NEXMIF: variants seen among roughly 807,000 people sequenced by gnomAD.
NEXMIF encodes neurite extension and migration factor.
A neutral mutation model predicts 62.1 loss-of-function variants in NEXMIF; 8 were observed. The ratio of observed to expected loss-of-function variants is 0.13; its 90% CI spans 0.08 to 0.23. The LOEUF (loss-of-function observed/expected upper bound fraction) is 0.23. Ranked by LOEUF, NEXMIF falls within the 10% of genes least tolerant of loss-of-function variation. NEXMIF has a pLI of 1.00. For missense variants in NEXMIF, 976 were observed against 1,113.3 expected (o/e 0.88, Z 1.75); for synonymous variants, 404 against 416.6 (o/e 0.97, Z 0.37).
intron 1 of NEXMIF, among the ~76,000 whole-genome samples, chrX:74,819,995 T>C (rs148946336): frequency 0.059 from 6,606 of 111,525 alleles, 245 homozygotes; most frequent in African/African-American, 0.14. Flanking sequence ...CACCATGGAA[T>C]ACTATGCAGC....
chrX:74,763,749 T>C (rs1007437539), intron 1 of NEXMIF, among the ~76,000 whole-genome samples: 2 of 111,631 alleles, frequency 1.8e-5, no homozygotes, highest in Admixed American at 9.6e-5. Flanking sequence ...GGGAGTTCAC[T>C]CATGATTTGG....
chrX:74,796,634 C>T (rs1364903119), intron 1 of NEXMIF, among the ~76,000 whole-genome samples: 1 of 109,946 alleles, frequency 9.1e-6, no homozygotes, highest in Non-Finnish European at 1.9e-5. Flanking sequence ...GACGCAGGAA[C>T]CAACCTGAAA....
chrX:74,906,028 G>T (rs2080767758), intron 1 of NEXMIF, among the ~76,000 whole-genome samples: 2 of 110,634 alleles, frequency 1.8e-5, no homozygotes, highest in Admixed American at 9.7e-5. Flanking sequence ...CCAGCACTTT[G>T]GGAGGCTGAC....
chrX:74,874,083 A>C (rs2080617011), intron 1 of NEXMIF, among the ~76,000 whole-genome samples: 1 of 108,174 alleles, frequency 9.2e-6, no homozygotes, highest in Admixed American at 1.0e-4. Context: ...TATGTCCTGA[A>C]TGGTAATGCC....
chrX:74,862,319 G>GA (rs958866596), intron 1 of NEXMIF, among the ~76,000 whole-genome samples: 23 of 110,657 alleles, frequency 2.1e-4, no homozygotes, highest in African/African-American at 6.3e-4. Flanking sequence ...ACCCAATACA[G>GA]AAGCACCCAG....
At chrX:74,884,589 G>A (rs2080682512) in intron 1 of NEXMIF, among the ~76,000 whole-genome samples, 1 of 111,945 alleles carries the variant, frequency 8.9e-6, no homozygotes, top group Non-Finnish European at 1.9e-5. Flanking sequence ...TCAACAAGAA[G>A]AACTAACTAT....
In NEXMIF at chrX:74,743,299, G is replaced by T. The variant is rs2080113828; in HGVS notation, c.1258C>A (p.Gln420Lys). 5.0e-6 allele frequency: 6 copies of T among 1,211,274 alleles called. No individual in the cohort carries two copies. Among genetic ancestry groups the T allele is most frequent in the Non-Finnish European group, 6.7e-6 (6 of 895,164 alleles). The change falls in exon 3 of 4, where the codon CAA becomes AAA. Residue 420 changes from glutamine to lysine, a missense_variant. Physicochemically the swap from Gln to Lys is moderately conservative, Grantham distance 53. Coordinates refer to ENST00000055682, the MANE Select transcript of NEXMIF (RefSeq NM_001008537.3). ...TGGCCCTGCTTTGGATTCTTAAGTT[G>T]CTCTACTTCAGTCCCACTGCATGGT... ...NKPCSGTEVE[Q>K]LKNPKQGHLA...
intron 1 of NEXMIF, among the ~76,000 whole-genome samples, chrX:74,796,154 C>CTT (rs2080306969): frequency 2.3e-5 from 1 of 43,837 alleles, no homozygotes; most frequent in Non-Finnish European, 4.5e-5. Flanking sequence ...TATATATATA[C>CTT]ATATATATTA....
chrX:74,856,416 T>C (rs1460752168), intron 1 of NEXMIF, among the ~76,000 whole-genome samples: 5 of 111,498 alleles, frequency 4.5e-5, no homozygotes, highest in African/African-American at 1.6e-4. Context: ...AAAGAGAGCC[T>C]AAGAGAACTG....
intron 1 of NEXMIF, among the ~76,000 whole-genome samples, chrX:74,784,404 T>G (rs1374496630): frequency 9.0e-6 from 1 of 111,265 alleles, no homozygotes; most frequent in Non-Finnish European, 1.9e-5. Flanking sequence ...GGTGACGAAA[T>G]TATCTCTAAT....
chrX:74,777,963 C>T (rs911741662), intron 1 of NEXMIF, among the ~76,000 whole-genome samples: 16 of 111,653 alleles, frequency 1.4e-4, no homozygotes, highest in African/African-American at 5.2e-4. Flanking sequence ...CTGACCTCCA[C>T]TCTCTATCCC....
Position 74,741,630 on chromosome X carries a change from A to C in NEXMIF, c.2927T>G (p.Phe976Cys), listed in dbSNP as rs142707711. ...ATTGACTGGCCCCTGCTGGAAAGGA[A>C]AGCAGATCTCTCCATTATTAAAGTG... ...LCHFNNGEIC[F>C]PFQQGPVNMD... Residue 976 changes from phenylalanine to cysteine, a missense_variant, in exon 3 of 4, where the codon TTT (phenylalanine) becomes TGT (cysteine). Around this residue, in one of 5 missense-constraint regions of NEXMIF, gnomAD observed 639 missense variants for 694.5 expected, o/e 0.92. Coordinates refer to ENST00000055682, the MANE Select transcript of NEXMIF (RefSeq NM_001008537.3). 6 of 1,209,921 alleles carry C rather than the reference A, an allele frequency of 5.0e-6. No individual in the cohort carries two copies. Among genetic ancestry groups the C allele is most frequent in the Non-Finnish European group, 6.7e-6 (6 of 894,901 alleles).
Position 74,866,065 on chromosome X carries a change from T to A in NEXMIF, c.-48+58818A>T, listed in dbSNP as rs182246642. Among the ~76,000 whole-genome samples the A allele has an allele frequency of 3.3e-4, 37 of 111,227 alleles. 1 individual carries two copies. Among genetic ancestry groups the A allele is most frequent in the African/African-American group, 1.1e-3 (35 of 30,604 alleles). ...GTACTCCAGAACCCAGAATGGTAGA[T>A]CTGCCGACAGCTTGCACCATGTTCC... On this transcript the variant is annotated intron_variant, in intron 1 of 3. Transcript: ENST00000055682.
intron 1 of NEXMIF, among the ~76,000 whole-genome samples, chrX:74,883,723 C>A (rs916540070): frequency 8.9e-6 from 1 of 112,080 alleles, no homozygotes; most frequent in Non-Finnish European, 1.9e-5. Flanking sequence ...AAACACTCTG[C>A]AGGATATTCT....
chrX:74,852,738 T>A (rs1231802518), intron 1 of NEXMIF, among the ~76,000 whole-genome samples: 2 of 111,674 alleles, frequency 1.8e-5, no homozygotes, highest in Non-Finnish European at 3.8e-5. Flanking sequence ...GTTTTAAAAA[T>A]TTCCTGAAAC....
At position 74,901,361 on chromosome X, in the gene NEXMIF, G is replaced by C. The variant is rs1051945420; in HGVS notation, c.-48+23522C>G. On this transcript the variant is annotated intron_variant, in intron 1 of 3. Coordinates refer to ENST00000055682, the MANE Select transcript of NEXMIF (RefSeq NM_001008537.3). ...GGAGGTAGAAAACAATTGCAGCTAA[G>C]ATGTCAATGTGAGGTTTAATGATAA... Among the ~76,000 whole-genome samples the C allele has an allele frequency of 2.7e-5, 3 of 111,771 alleles. No homozygotes were observed. In the Admixed American group the frequency reaches 2.9e-4, roughly 11 times the overall value.
chrX:74,786,881 A>ACC (rs2080261993), intron 1 of NEXMIF, among the ~76,000 whole-genome samples: 1 of 110,389 alleles, frequency 9.1e-6, no homozygotes, highest in African/African-American at 3.3e-5. Context: ...ACACACACAC[A>ACC]CCCCTATCAC....
chrX:74,882,777 C>T (rs1250948171), intron 1 of NEXMIF, among the ~76,000 whole-genome samples: 1 of 112,384 alleles, frequency 8.9e-6, no homozygotes, highest in Non-Finnish European at 1.9e-5. Flanking sequence ...ATGTCCCTGT[C>T]TGACAGCTTT....
chrX:74,733,108 T>A lies in NEXMIF; in HGVS notation c.*6297A>T, dbSNP rs995973916. The stretch of plus-strand genomic sequence containing the variant: ...CTAGGGATCTTGTTAAAATTCAGAT[T>A]CTCATTCAGCAGAATTGGTGTAGGG... On this transcript the variant is annotated 3_prime_UTR_variant, in exon 4 of 4. Transcript: ENST00000055682. 5 of 111,764 alleles carry A rather than the reference T, an allele frequency of 4.5e-5. No individual in the cohort carries two copies. Among genetic ancestry groups the A allele is most frequent in the Admixed American group, 9.5e-5 (1 of 10,512 alleles). 9.2% of individuals were successfully genotyped at this position (111,764 alleles called of 1,213,427 possible).
Sources: allele counts gnomAD v4.1 joint callset (sites outside exome capture counted in the v4.1 genomes callset), GRCh38; gene constraint gnomAD v4.1.1; regional missense constraint gnomAD v4.1.1; transcripts MANE v1.5; gene names NCBI Gene and HGNC (gene_info 2026-07-23, HGNC 2026-07-21).